CNTN1: variants seen among roughly 807,000 people sequenced by gnomAD.
CNTN1 encodes the protein contactin 1.
Under a neutral mutation model 126.4 loss-of-function variants are expected in CNTN1, and 38 were observed. The ratio of observed to expected loss-of-function variants is 0.30; its 90% CI spans 0.23 to 0.39. The LOEUF (loss-of-function observed/expected upper bound fraction) is 0.39, where lower values mean the gene tolerates loss of function less well. Among genes scored for constraint, CNTN1 ranks in the 10% least tolerant of loss-of-function variants. The pLI is 1.00. For missense variants in CNTN1, 1,009 were observed against 1,248.4 expected, an observed-to-expected ratio of 0.81 and a Z score of 2.89; for synonymous variants, 413 against 422.6, an observed-to-expected ratio of 0.98 and a Z score of 0.28.
intron 1 of CNTN1, chr12:40,742,309 T>C (rs763855797): frequency 2.0e-5 from 3 of 152,094 alleles, no homozygotes; most frequent in Non-Finnish European, 4.4e-5. Flanking sequence ...CTAAAAGCAT[T>C]TGGTAGAGTG....
At position 40,961,253 on chromosome 12, in the gene CNTN1, C is replaced by G. The variant is rs942568574; in HGVS notation, c.1804+2019C>G. On this transcript the variant is annotated intron_variant, in intron 15 of 23. Coordinates refer to ENST00000551295, the MANE Select transcript of CNTN1 (RefSeq NM_001843.4). ...TAAAGTCAGCAGAGTCATAACCATT[C>G]TTCAAACTTTATTTCTAATAATAGA... is the stretch of plus-strand genomic sequence containing the variant. 2.0e-5 allele frequency among the ~76,000 whole-genome samples: 3 copies of G among 151,866 alleles called. No homozygotes were observed. In the East Asian group the frequency reaches 5.8e-4, roughly 29 times the overall value.
intron 15 of CNTN1, chr12:40,979,086 T>G (rs1947756870): frequency 6.6e-6 from 1 of 152,186 alleles, no homozygotes. Flanking sequence ...AAATGCAATA[T>G]GTTCTCTCTG....
intron 1 of CNTN1, among the ~76,000 whole-genome samples, chr12:40,711,101 C>G (rs573067419): frequency 2.0e-5 from 3 of 152,196 alleles, no homozygotes; most frequent in African/African-American, 7.2e-5. Flanking sequence ...AGAGAGGAAT[C>G]TCTTCTCTTT....
intron 1 of CNTN1, among the ~76,000 whole-genome samples, chr12:40,728,604 G>A (rs1942417821): frequency 6.6e-6 from 1 of 152,122 alleles, no homozygotes; most frequent in African/African-American, 2.4e-5. Context: ...GATTTGGAAT[G>A]GCTCTAAACA....
intron 23 of CNTN1, among the ~76,000 whole-genome samples, chr12:41,042,435 G>A (rs182073059): frequency 5.3e-5 from 8 of 152,118 alleles, no homozygotes; most frequent in Admixed American, 2.0e-4. Context: ...TATTAGGTCC[G>A]CTTGGTGCAG....
intron 1 of CNTN1, among the ~76,000 whole-genome samples, chr12:40,815,725 A>T (rs1004529196): frequency 3.3e-5 from 5 of 152,040 alleles, no homozygotes; most frequent in African/African-American, 1.2e-4. Flanking sequence ...CTTGTCTTGT[A>T]CCAGTTTTCA....
intron 15 of CNTN1, among the ~76,000 whole-genome samples, chr12:40,964,529 T>A (rs866899562): frequency 1.5e-5 from 2 of 136,944 alleles, no homozygotes; most frequent in African/African-American, 2.7e-5. Flanking sequence ...TAAGTGAGTG[T>A]GTGTGTGTGT....
At chr12:40,948,192 T>G (rs1197371350) in intron 14 of CNTN1, among the ~76,000 whole-genome samples, 1 of 151,720 alleles carries the variant, frequency 6.6e-6, no homozygotes, top group African/African-American at 2.4e-5. Context: ...TAATACTTTT[T>G]ATAAGAGAGC....
At chr12:40,857,617 G>A (rs1168032839) in intron 1 of CNTN1, among the ~76,000 whole-genome samples, 2 of 152,146 alleles carry the variant, frequency 1.3e-5, no homozygotes, top group Non-Finnish European at 2.9e-5. Flanking sequence ...CGTGGAAAAA[G>A]TCAAGTCAGA....
intron 14 of CNTN1, among the ~76,000 whole-genome samples, chr12:40,952,543 T>C (rs910162515): frequency 6.6e-6 from 1 of 151,996 alleles, no homozygotes; most frequent in African/African-American, 2.4e-5. Context: ...GTTTTAGTAG[T>C]ATTAATAGCG....
chr12:40,794,491 A>C (rs1411977343), intron 1 of CNTN1, among the ~76,000 whole-genome samples: 1 of 152,028 alleles, frequency 6.6e-6, no homozygotes, highest in Non-Finnish European at 1.5e-5. Context: ...AATGAAACTG[A>C]ACAAATCATA....
At chr12:40,925,063 G>T (rs1217346799) in intron 6 of CNTN1, among the ~76,000 whole-genome samples, 1 of 151,476 alleles carries the variant, frequency 6.6e-6, no homozygotes, top group Non-Finnish European at 1.5e-5. Context: ...CTAAACCCTA[G>T]AAGGGATAAA....
rs532511023 is a variant in CNTN1, at chr12:40,710,367, A to G, written c.-77+17775A>G. The stretch of plus-strand genomic sequence containing the variant: ...GTAGGTGCAGTTCATGGCACCCCAA[A>G]ACAATTACAATAGTAAAATCAAAGA... On this transcript the variant is annotated intron_variant, in intron 1 of 23. Transcript: ENST00000551295. Among the ~76,000 whole-genome samples the G allele has an allele frequency of 2.0e-5, 3 of 152,248 alleles. No homozygotes were observed. The South Asian group carries it at 6.2e-4, about 32-fold the overall frequency.
chr12:40,712,995 C>T (rs1447743521), intron 1 of CNTN1, among the ~76,000 whole-genome samples: 1 of 152,200 alleles, frequency 6.6e-6, no homozygotes, highest in African/African-American at 2.4e-5. Context: ...TGGCACTTCC[C>T]TTAGCACTCT....
intron 3 of CNTN1, among the ~76,000 whole-genome samples, chr12:40,915,926 TATGTTTA>T (rs1176458712): frequency 6.6e-6 from 1 of 152,104 alleles, no homozygotes; most frequent in Non-Finnish European, 1.5e-5. Flanking sequence ...TTAGTGGCCT[TATGTTTA>T]AAGTGTATGC....
chr12:41,067,551 G>A (rs1950072001), intron 23 of CNTN1, among the ~76,000 whole-genome samples: 1 of 149,194 alleles, frequency 6.7e-6, no homozygotes, highest in African/African-American at 2.5e-5. Context: ...CTCACTCATA[G>A]GTGGGAATTG....
intron 1 of CNTN1, among the ~76,000 whole-genome samples, chr12:40,710,319 A>T (rs1941881667): frequency 6.6e-6 from 1 of 152,188 alleles, no homozygotes; most frequent in Non-Finnish European, 1.5e-5. Flanking sequence ...ACACCTATTG[A>T]TTAAGTATCA....
chr12:40,815,528 A>G (rs112225249), intron 1 of CNTN1, among the ~76,000 whole-genome samples: 5,191 of 152,196 alleles, frequency 0.034, 117 homozygotes, highest in Non-Finnish European at 0.057. Context: ...GAAGTTGTTT[A>G]TTAGTTTAGG....
At chr12:41,053,863 T>A (rs12827230) in intron 23 of CNTN1, among the ~76,000 whole-genome samples, 2,437 of 151,824 alleles carry the variant, frequency 0.016, 40 homozygotes, top group Non-Finnish European at 0.023. Flanking sequence ...ATAAATACAG[T>A]GTACCACTAA....
Sources: allele counts gnomAD v4.1 joint callset (sites outside exome capture counted in the v4.1 genomes callset), GRCh38; gene constraint gnomAD v4.1.1; transcripts MANE v1.5; gene names NCBI Gene and HGNC (gene_info 2026-07-23, HGNC 2026-07-21).